BCL11B: variants seen among roughly 807,000 people sequenced by gnomAD.
BCL11B encodes the protein B-cell lymphoma/leukemia 11B.
In BCL11B, 8 loss-of-function variants were observed where a neutral mutation model predicts 49.9. That is an observed-to-expected ratio of 0.16 (90% confidence interval 0.09 to 0.29). The LOEUF (loss-of-function observed/expected upper bound fraction) is 0.29. BCL11B is among the 10% of genes least tolerant of loss of function. The probability of loss-of-function intolerance (pLI) is 1.00; values close to 1 mark genes in which losing one functional copy is unlikely to be tolerated. For missense variants in BCL11B, 1,006 were observed against 1,351.0 expected (o/e 0.74, Z 4.00); for synonymous variants, 739 against 637.4 (o/e 1.16, Z -2.40).
intron 2 of BCL11B, among the ~76,000 whole-genome samples, chr14:99,245,740 AC>A (rs1158891127): frequency 6.6e-6 from 1 of 151,974 alleles, no homozygotes; most frequent in Non-Finnish European, 1.5e-5. Context: ...AAGGTCACCC[AC>A]CCGGGAGAGC....
At chr14:99,268,808 C>T (rs1370993338) in intron 1 of BCL11B, among the ~76,000 whole-genome samples, 2 of 152,166 alleles carry the variant, frequency 1.3e-5, no homozygotes, top group Non-Finnish European at 2.9e-5. Flanking sequence ...TGGTCTCCTT[C>T]CCCTTTTTCT....
intron 3 of BCL11B, among the ~76,000 whole-genome samples, chr14:99,186,427 G>A (rs1028116896): frequency 6.6e-6 from 1 of 152,216 alleles, no homozygotes; most frequent in African/African-American, 2.4e-5. Context: ...GGCTGAGGGA[G>A]GAGAATTGCT....
intron 1 of BCL11B, among the ~76,000 whole-genome samples, chr14:99,267,467 T>C (rs1215014131): frequency 2.0e-5 from 3 of 151,490 alleles, no homozygotes; most frequent in South Asian, 2.1e-4. Flanking sequence ...TATTCTCCCA[T>C]TGAATCAGAG....
intron 3 of BCL11B, among the ~76,000 whole-genome samples, chr14:99,182,546 A>G (rs1471069467): frequency 1.3e-5 from 2 of 152,222 alleles, no homozygotes; most frequent in Non-Finnish European, 2.9e-5. Flanking sequence ...ACTCCATGAA[A>G]TCATGCTGAT....
rs1264475002 is a variant in BCL11B at position 99,248,332 on chromosome 14, C to T, written c.427+9139G>A. Among the ~76,000 whole-genome samples the T allele has an allele frequency of 6.6e-6, 1 of 152,194 alleles. No homozygotes were observed. The highest frequency in any genetic ancestry group is 1.5e-5 in the Non-Finnish European group (1 of 68,036). On this transcript the variant is annotated intron_variant, in intron 2 of 3. Coordinates refer to ENST00000357195, the MANE Select transcript of BCL11B (RefSeq NM_138576.4). The surrounding 1 kb of genome is among the most constrained non-coding windows in gnomAD (Gnocchi z 4.7). ...GCCTTCTCCAGCAAGGCCTCTTCTT[C>T]CCTGGGTCCAACTCGAGGCTTGCAA...
At position 99,272,071 on chromosome 14, in the gene BCL11B, G is replaced by A. The variant is rs1012611533; in HGVS notation, c.-853C>T. 1.3e-5 allele frequency among the ~76,000 whole-genome samples: 2 copies of A among 151,918 alleles called. No individual in the cohort carries two copies. Among genetic ancestry groups the A allele is most frequent in the African/African-American group, 4.8e-5 (2 of 41,390 alleles). ...TCCCCTGGCGCCGCGGGCCCGGGGGGAGCGGGGCGGAGGGGCGGCTCGCCC... is the reference window on the plus strand; with the variant it reads ...TCCCCTGGCGCCGCGGGCCCGGGGGAAGCGGGGCGGAGGGGCGGCTCGCCC... On this transcript the variant is annotated 5_prime_UTR_variant, in exon 1 of 4. Transcript: ENST00000357195. This position sits in a 1 kb window ranked among gnomAD's most constrained non-coding sequence, Gnocchi z 6.0.
chr14:99,189,805 G>A (rs1174238351), intron 3 of BCL11B, among the ~76,000 whole-genome samples: 1 of 152,182 alleles, frequency 6.6e-6, no homozygotes, highest in African/African-American at 2.4e-5. Flanking sequence ...GGAAACTGCT[G>A]CCCACACTGT....
intron 3 of BCL11B, among the ~76,000 whole-genome samples, chr14:99,183,342 T>A (rs777130640): frequency 1.3e-5 from 2 of 152,154 alleles, no homozygotes; most frequent in Non-Finnish European, 2.9e-5. Flanking sequence ...TTAAAATTCA[T>A]CTTCCAGACT....
intron 3 of BCL11B, among the ~76,000 whole-genome samples, chr14:99,218,816 G>A (rs150171536): frequency 6.6e-6 from 1 of 152,334 alleles, no homozygotes; most frequent in African/African-American, 2.4e-5. Context: ...GTGTGACTAA[G>A]TGAAGGCTGT....
chr14:99,175,960 C>T lies in BCL11B; in HGVS notation c.876G>A (p.Leu292=), dbSNP rs746259961. The stretch of plus-strand genomic sequence containing the variant: ...CCCGCAGGATGGGGCCCGTCATGCG[C>T]AGCAGGTTGAAGGGGTTGCTGTCGC... ...FLGDSNPFNL[L]RMTGPILRDH... Residue 292 remains leucine, a synonymous_variant, in exon 4 of 4, where the codon CTG becomes CTA. Transcript: ENST00000357195. 6 of 1,476,730 alleles carry T rather than the reference C, an allele frequency of 4.1e-6. No homozygotes were observed. The highest frequency in any genetic ancestry group is 5.1e-5 in the Admixed American group (2 of 39,584). The allele number at this position is 1,476,730 out of a possible 1,614,324, so 91.5% of individuals were successfully genotyped here.
At chr14:99,269,875 TAAAAAAAAAAAAAAAA>T (rs56659919) in intron 1 of BCL11B, among the ~76,000 whole-genome samples, 86 of 41,240 alleles carry the variant, frequency 2.1e-3, no homozygotes, top group South Asian at 0.016. Flanking sequence ...CTATTGCAGT[TAAAAAAAAAAAAAAAA>T]AAAAAAAAAA....
At chr14:99,233,602 A>G (rs1215563875) in intron 2 of BCL11B, among the ~76,000 whole-genome samples, 2 of 152,288 alleles carry the variant, frequency 1.3e-5, no homozygotes, top group African/African-American at 2.4e-5. Flanking sequence ...GAGGCCTGGT[A>G]AGGGTTGTCC....
chr14:99,241,253 C>T lies in BCL11B; in HGVS notation c.428-9696G>A, dbSNP rs1038635851. On this transcript the variant is annotated intron_variant, in intron 2 of 3. Transcript: ENST00000357195. This position sits in a 1 kb window ranked among gnomAD's most constrained non-coding sequence, Gnocchi z 4.4. ...CCAGGAAGTTCTCTGCCCAGCACCC[C>T]ATCATGAAATATACCCCAAAACAAC... is the stretch of plus-strand genomic sequence containing the variant. Among the ~76,000 whole-genome samples the T allele has an allele frequency of 6.6e-5, 10 of 152,040 alleles. No individual in the cohort carries two copies. The highest frequency in any genetic ancestry group is 1.0e-4 in the Non-Finnish European group (7 of 68,014).
chr14:99,245,397 G>T (rs1005985268), intron 2 of BCL11B, among the ~76,000 whole-genome samples: 1 of 152,228 alleles, frequency 6.6e-6, no homozygotes, highest in African/African-American at 2.4e-5. Context: ...AGAAAAGCGG[G>T]CTTACTCTTC....
intron 3 of BCL11B, among the ~76,000 whole-genome samples, chr14:99,208,957 G>A (rs1195059108): frequency 1.3e-5 from 2 of 152,228 alleles, no homozygotes; most frequent in Non-Finnish European, 2.9e-5. Flanking sequence ...AGAAGTGGGA[G>A]AGAGAGGCTC....
chr14:99,266,423 G>A (rs986730013), intron 1 of BCL11B, among the ~76,000 whole-genome samples: 2 of 152,014 alleles, frequency 1.3e-5, no homozygotes, highest in Admixed American at 6.6e-5. Flanking sequence ...GACCACGGAC[G>A]AATCAGGGAA....
chr14:99,210,680 G>C (rs77888930), intron 3 of BCL11B, among the ~76,000 whole-genome samples: 1,819 of 152,338 alleles, frequency 0.012, 20 homozygotes, highest in Non-Finnish European at 0.017. Flanking sequence ...CTAGGGAAGA[G>C]AGAGATTGAA....
intron 3 of BCL11B, among the ~76,000 whole-genome samples, chr14:99,207,901 G>C (rs1485228354): frequency 6.6e-6 from 1 of 152,174 alleles, no homozygotes; most frequent in Non-Finnish European, 1.5e-5. Context: ...CTGGAACTGA[G>C]CTCCCACCAG....
rs1367490272 is a variant in BCL11B, at chr14:99,228,974, G to C, written c.640+2371C>G. On this transcript the variant is annotated intron_variant, in intron 3 of 3. Coordinates refer to ENST00000357195, the MANE Select transcript of BCL11B (RefSeq NM_138576.4). This position sits in a 1 kb window ranked among gnomAD's most constrained non-coding sequence, Gnocchi z 4.8. ...TGGATGGATGGATGCATGGATGGAT[G>C]CATGGATGGATGGATGGCTACATGG... Among the ~76,000 whole-genome samples, 1 of 151,644 alleles carries C rather than the reference G, an allele frequency of 6.6e-6. No individual in the cohort carries two copies. The highest frequency in any genetic ancestry group is 1.5e-5 in the Non-Finnish European group (1 of 67,912).
Sources: gnomAD v4.1 joint callset for allele counts (sites outside exome capture counted in the v4.1 genomes callset) on GRCh38, gnomAD v4.1.1 for gene constraint, Gnocchi (gnomAD v3.1) non-coding constraint, MANE v1.5 for transcripts, NCBI Gene and HGNC (gene_info 2026-07-23, HGNC 2026-07-21) for gene names.